The following LGSN variants were observed in gnomAD, a reference collection of about 807,000 sequenced individuals.
The protein encoded by LGSN is lengsin.
Under a neutral mutation model 19.5 loss-of-function variants are expected in LGSN, and 21 were observed. The observed-to-expected ratio is 1.07, with a 90% CI of 0.76 to 1.55. The LOEUF (loss-of-function observed/expected upper bound fraction) is 1.55, where lower values mean the gene tolerates loss of function less well. LGSN is among the 40% of genes most tolerant of loss of function. The pLI is 0.00. For missense variants in LGSN, 673 were observed against 608.5 expected (o/e 1.11, Z -1.12); for synonymous variants, 257 against 215.6 (o/e 1.19, Z -1.68).
At chr6:63,393,538 C>T in the LGSN span, among the ~76,000 whole-genome samples, 3 of 152,116 alleles carry the variant, frequency 2.0e-5, no homozygotes, top group South Asian at 6.2e-4. Flanking sequence ...AACTGGAAAG[C>T]CCATTTGCAC....
At chr6:63,405,054 T>A in the LGSN span, among the ~76,000 whole-genome samples, 3 of 147,994 alleles carry the variant, frequency 2.0e-5, no homozygotes, top group South Asian at 6.5e-4. Context: ...GAATATGTGG[T>A]GTTTGGTTTT....
the LGSN span, among the ~76,000 whole-genome samples, chr6:63,417,546 C>T: frequency 2.0e-5 from 3 of 152,168 alleles, no homozygotes; most frequent in Non-Finnish European, 4.4e-5. Flanking sequence ...AATTCTTCTG[C>T]TTCTGTCTGT....
chr6:63,333,896 C>T, the LGSN span, among the ~76,000 whole-genome samples: 2 of 152,100 alleles, frequency 1.3e-5, no homozygotes, highest in East Asian at 3.8e-4. Context: ...TAAATAGATG[C>T]AGAAAAAGCA....
chr6:63,438,505 C>G, the LGSN span, among the ~76,000 whole-genome samples: 2 of 151,872 alleles, frequency 1.3e-5, no homozygotes, highest in Non-Finnish European at 2.9e-5. Flanking sequence ...AACAAATTTA[C>G]AAGAAAAAAA....
the LGSN span, among the ~76,000 whole-genome samples, chr6:63,561,955 A>G: frequency 6.6e-6 from 1 of 152,156 alleles, no homozygotes; most frequent in Non-Finnish European, 1.5e-5. Flanking sequence ...CTCTTTGAGC[A>G]TTTATCTGAA....
the LGSN span, among the ~76,000 whole-genome samples, chr6:63,359,258 C>T: frequency 6.2e-3 from 942 of 152,278 alleles, 7 homozygotes; most frequent in African/African-American, 0.021. Context: ...AGAATTTTTG[C>T]ACCGATGTTC....
chr6:63,483,645 C>G, the LGSN span, among the ~76,000 whole-genome samples: 1 of 152,066 alleles, frequency 6.6e-6, no homozygotes, highest in Non-Finnish European at 1.5e-5. Flanking sequence ...CATTAATCTT[C>G]TAGAGCTGCC....
At chr6:63,429,582 A>G in the LGSN span, among the ~76,000 whole-genome samples, 1 of 152,066 alleles carries the variant, frequency 6.6e-6, no homozygotes, top group Non-Finnish European at 1.5e-5. Flanking sequence ...CTAAAATCAC[A>G]AAAATTAGCC....
chr6:63,320,324 G>A (rs1769040691), upstream of LGSN, among the ~76,000 whole-genome samples: 1 of 152,048 alleles, frequency 6.6e-6, no homozygotes, highest in South Asian at 2.1e-4. Context: ...CTTATTAGAC[G>A]ACTATGCTAT....
intron 1 of LGSN, among the ~76,000 whole-genome samples, chr6:63,299,069 A>G (rs1242618649): frequency 6.6e-6 from 1 of 152,226 alleles, no homozygotes; most frequent in African/African-American, 2.4e-5. Context: ...TACCGAGTCC[A>G]CACATAGAGA....
chr6:63,323,119 G>A (rs1235091276), upstream of LGSN, among the ~76,000 whole-genome samples: 1 of 150,628 alleles, frequency 6.6e-6, no homozygotes, highest in Non-Finnish European at 1.5e-5. Context: ...GAAGTCAGTT[G>A]TGAAAGTGGA....
At chr6:63,553,735 A>T in the LGSN span, among the ~76,000 whole-genome samples, 60,864 of 152,006 alleles carry the variant, frequency 0.4, 12,802 homozygotes, top group African/African-American at 0.53. Context: ...GTAAATTATG[A>T]TTTAAAATTC....
the LGSN span, among the ~76,000 whole-genome samples, chr6:63,501,009 G>T: frequency 6.6e-6 from 1 of 152,180 alleles, no homozygotes; most frequent in East Asian, 1.9e-4. Context: ...GATTACAGGC[G>T]TGAGCCACTG....
chr6:63,308,957 CCG>C (rs1768515522), intron 1 of LGSN, among the ~76,000 whole-genome samples: 1 of 152,132 alleles, frequency 6.6e-6, no homozygotes, highest in Admixed American at 6.6e-5. Flanking sequence ...TTAAAAATAT[CCG>C]TACCTATTAA....
intron 3 of LGSN, among the ~76,000 whole-genome samples, chr6:63,283,588 C>T (rs1203970796): frequency 6.7e-6 from 1 of 148,200 alleles, no homozygotes; most frequent in Non-Finnish European, 1.5e-5. Flanking sequence ...CACACACATG[C>T]AATGTTTAGG....
chr6:63,375,472 T>C, the LGSN span, among the ~76,000 whole-genome samples: 1 of 151,770 alleles, frequency 6.6e-6, no homozygotes, highest in African/African-American at 2.4e-5. Flanking sequence ...TGCACTGAAA[T>C]TGCAAGAAAA....
the LGSN span, among the ~76,000 whole-genome samples, chr6:63,564,905 T>C: frequency 2.0e-5 from 3 of 152,276 alleles, no homozygotes; most frequent in African/African-American, 7.2e-5. Flanking sequence ...TCATGAGTTA[T>C]GGATAGATTC....
At chr6:63,288,295 A>G (rs892598072) in intron 2 of LGSN, among the ~76,000 whole-genome samples, 1 of 151,198 alleles carries the variant, frequency 6.6e-6, no homozygotes, top group African/African-American at 2.4e-5. Flanking sequence ...TTCACTCATC[A>G]TAGATATTTT....
At chr6:63,470,226 G>C in the LGSN span, among the ~76,000 whole-genome samples, 1 of 151,890 alleles carries the variant, frequency 6.6e-6, no homozygotes, top group Admixed American at 6.6e-5. Flanking sequence ...CCAGCATTTT[G>C]GAAGGCCAAG....
Sources: gnomAD v4.1 joint callset for allele counts (sites outside exome capture counted in the v4.1 genomes callset) on GRCh38, gnomAD v4.1.1 for gene constraint, MANE v1.5 for transcripts, NCBI Gene and HGNC (gene_info 2026-07-23, HGNC 2026-07-21) for gene names.